Variants in SCAMP1 observed in about 807,000 individuals in gnomAD.
The protein encoded by SCAMP1 is secretory carrier-associated membrane protein 1.
A neutral mutation model predicts 41.8 loss-of-function variants in SCAMP1; 15 were observed. The observed-to-expected ratio is 0.36, with a 90% confidence interval of 0.24 to 0.55. The LOEUF is 0.55. Among genes scored for constraint, SCAMP1 ranks in the 20% least tolerant of loss-of-function variants. The probability of loss-of-function intolerance (pLI) is 0.86; values close to 1 mark genes in which losing one functional copy is unlikely to be tolerated. For synonymous variants in SCAMP1, 135 were observed against 136.8 expected (o/e 0.99, Z 0.09); for missense variants, 341 against 412.6 (o/e 0.83, Z 1.50).
chr5:78,424,018 A>G (rs1040111194), intron 6 of SCAMP1, among the ~76,000 whole-genome samples: 1 of 151,872 alleles, frequency 6.6e-6, no homozygotes, highest in African/African-American at 2.4e-5. Context: ...CTAATTTTGT[A>G]TTTTTAGTAG....
chr5:78,438,775 CCTT>C (rs1752834829), intron 6 of SCAMP1, among the ~76,000 whole-genome samples: 1 of 152,118 alleles, frequency 6.6e-6, no homozygotes, highest in East Asian at 1.9e-4. Context: ...TCCTTGTTAA[CCTT>C]CTGTCTTGTT....
intron 2 of SCAMP1, among the ~76,000 whole-genome samples, chr5:78,405,043 A>G (rs758084228): frequency 6.6e-6 from 1 of 152,184 alleles, no homozygotes; most frequent in Admixed American, 6.5e-5. Flanking sequence ...TGCTCTGGCA[A>G]ATTGTTACTC....
chr5:78,469,912 ACAAAAAAAAAAAAAAAAAAACAACAAC>A (rs1753837806), intron 8 of SCAMP1, among the ~76,000 whole-genome samples: 1 of 92,628 alleles, frequency 1.1e-5, no homozygotes, highest in African/African-American at 4.4e-5. Context: ...AAAAAAAAAA[ACAAAAAAAAAAAAAAAAAAACAACAAC>A]ACAGCCCAGG....
At chr5:78,416,396 A>G in intron 3 of SCAMP1, 145 bp from the exon 4 acceptor site, 1 of 552,524 alleles carries the variant, frequency 1.8e-6, no homozygotes, top group Non-Finnish European at 3.1e-6. Flanking sequence ...ATTTTCTGTA[A>G]CTATGATCTT....
intron 2 of SCAMP1, among the ~76,000 whole-genome samples, chr5:78,409,118 C>G (rs963649645): frequency 6.6e-6 from 1 of 152,116 alleles, no homozygotes; most frequent in African/African-American, 2.4e-5. Flanking sequence ...GTACCAGCTC[C>G]AAAGCTTTGT....
chr5:78,409,246 C>T (rs113406202), intron 2 of SCAMP1, among the ~76,000 whole-genome samples: 1 of 151,906 alleles, frequency 6.6e-6, no homozygotes, highest in East Asian at 1.9e-4. Flanking sequence ...TTTCTTGTTG[C>T]GTTAGTTGTG....
At chr5:78,403,975 A>G (rs113105189) in intron 2 of SCAMP1, among the ~76,000 whole-genome samples, 4,014 of 144,396 alleles carry the variant, frequency 0.028, 223 homozygotes, top group African/African-American at 0.093. Flanking sequence ...AAAAAAAAAA[A>G]AAAAAGGGAT....
chr5:78,434,756 T>C (rs1315932049), intron 6 of SCAMP1, among the ~76,000 whole-genome samples: 1 of 152,208 alleles, frequency 6.6e-6, no homozygotes. Context: ...CTGTCAGATA[T>C]CTCCTTCTGA....
At position 78,460,876 on chromosome 5, in the gene SCAMP1, AAG is replaced by A. The variant is rs1451573268; in HGVS notation, c.852+1519_852+1520del. Among the ~76,000 whole-genome samples, 4 of 147,992 alleles carry A rather than the reference AAG, an allele frequency of 2.7e-5. No individual in the cohort carries two copies. In the East Asian group the frequency reaches 7.9e-4, roughly 29 times the overall value. On this transcript the variant is annotated intron_variant, in intron 8 of 8. Coordinates refer to ENST00000621999, the MANE Select transcript of SCAMP1 (RefSeq NM_004866.6). ...TTCTGTCTTCCTGTCTCTTTTGTGA[AAG>A]AGAGTCTCACTCTGTCACCCAGGCT...
At chr5:78,361,994 T>TA (rs1250006420) in intron 1 of SCAMP1, among the ~76,000 whole-genome samples, 1 of 152,244 alleles carries the variant, frequency 6.6e-6, no homozygotes, top group African/African-American at 2.4e-5. Context: ...AGTGTAGAAT[T>TA]AGACTCAGTC....
At chr5:78,375,984 C>A (rs1751054543) in intron 1 of SCAMP1, among the ~76,000 whole-genome samples, 1 of 152,138 alleles carries the variant, frequency 6.6e-6, no homozygotes, top group Non-Finnish European at 1.5e-5. Context: ...TATAAAGAAT[C>A]TTATTTCAAC....
intron 2 of SCAMP1, among the ~76,000 whole-genome samples, chr5:78,397,166 C>T (rs1042447963): frequency 6.6e-6 from 1 of 152,064 alleles, no homozygotes; most frequent in Non-Finnish European, 1.5e-5. Flanking sequence ...GAACTGACAG[C>T]CCAGAAATAA....
At chr5:78,379,262 AGTAAAT>A (rs1751140018) in intron 1 of SCAMP1, among the ~76,000 whole-genome samples, 1 of 152,368 alleles carries the variant, frequency 6.6e-6, no homozygotes, top group East Asian at 1.9e-4. Context: ...TGGAAATAAA[AGTAAAT>A]GTAAAAGTAA....
At chr5:78,454,489 T>C (rs1483077281) in intron 7 of SCAMP1, among the ~76,000 whole-genome samples, 1 of 151,568 alleles carries the variant, frequency 6.6e-6, no homozygotes, top group African/African-American at 2.4e-5. Context: ...TTACATTTAT[T>C]GATTTGCATA....
intron 1 of SCAMP1, among the ~76,000 whole-genome samples, chr5:78,386,869 G>T (rs1362332665): frequency 6.6e-6 from 1 of 152,094 alleles, no homozygotes; most frequent in Non-Finnish European, 1.5e-5. Flanking sequence ...TGATGCTTTT[G>T]CCTCACAGCT....
intron 1 of SCAMP1, among the ~76,000 whole-genome samples, chr5:78,368,767 A>C (rs1750861999): frequency 6.6e-6 from 1 of 152,142 alleles, no homozygotes; most frequent in South Asian, 2.1e-4. Context: ...CAGAGGGCTA[A>C]AGGGAAATAG....
At chr5:78,436,193 A>G (rs1047494676) in intron 6 of SCAMP1, among the ~76,000 whole-genome samples, 9 of 152,106 alleles carry the variant, frequency 5.9e-5, no homozygotes, top group African/African-American at 2.2e-4. Context: ...CTCCGATGGT[A>G]GTTTCTTTTG....
chr5:78,448,524 A>G (rs1378393379), intron 6 of SCAMP1, among the ~76,000 whole-genome samples: 8 of 152,226 alleles, frequency 5.3e-5, no homozygotes, highest in African/African-American at 1.2e-4. Context: ...AAGAAGATCT[A>G]TATATGACAA....
intron 2 of SCAMP1, among the ~76,000 whole-genome samples, chr5:78,410,124 T>C (rs1414065924): frequency 2.6e-5 from 4 of 152,130 alleles, no homozygotes; most frequent in East Asian, 1.9e-4. Flanking sequence ...TTTCTTTTTT[T>C]TTTTTTTCCA....
Sources: gnomAD v4.1 joint callset for allele counts (sites outside exome capture counted in the v4.1 genomes callset) on GRCh38, gnomAD v4.1.1 for gene constraint, MANE v1.5 for transcripts, NCBI Gene and HGNC (gene_info 2026-07-23, HGNC 2026-07-21) for gene names.